CAB39L: variants seen among roughly 807,000 people sequenced by gnomAD.
CAB39L encodes calcium-binding protein 39-like.
In CAB39L, 23 loss-of-function variants were observed where a neutral mutation model predicts 39.1. The observed-to-expected ratio is 0.59, with a 90% CI of 0.42 to 0.83. The LOEUF (loss-of-function observed/expected upper bound fraction) is 0.83, where lower values mean the gene tolerates loss of function less well. Among genes scored for constraint, CAB39L ranks in the 40% least tolerant of loss-of-function variants. The probability of loss-of-function intolerance (pLI) is 0.00; values close to 1 mark genes in which losing one functional copy is unlikely to be tolerated. For synonymous variants in CAB39L, 126 were observed against 137.2 expected, an observed-to-expected ratio of 0.92 and a Z score of 0.57; for missense variants, 366 against 391.9, an observed-to-expected ratio of 0.93 and a Z score of 0.56.
intron 3 of CAB39L, among the ~76,000 whole-genome samples, chr13:49,430,896 T>C (rs1957311895): frequency 6.6e-6 from 1 of 152,260 alleles, no homozygotes; most frequent in South Asian, 2.1e-4. Flanking sequence ...AAAGGCTTAA[T>C]AGTCATATAA....
intron 10 of CAB39L, among the ~76,000 whole-genome samples, chr13:49,327,971 C>A (rs1954551166): frequency 6.6e-6 from 1 of 152,156 alleles, no homozygotes; most frequent in Non-Finnish European, 1.5e-5. Context: ...ATTTTTCCAT[C>A]AAATTTACAA....
chr13:49,346,613 A>G (rs944683800), intron 7 of CAB39L, among the ~76,000 whole-genome samples: 13 of 152,156 alleles, frequency 8.5e-5, no homozygotes, highest in Non-Finnish European at 1.8e-4. Flanking sequence ...ACTTAATTGC[A>G]GGGACATAAA....
intron 8 of CAB39L, among the ~76,000 whole-genome samples, chr13:49,340,641 AAGG>A (rs1177782684): frequency 1.1e-4 from 17 of 152,216 alleles, no homozygotes; most frequent in African/African-American, 4.1e-4. Flanking sequence ...CCTGAAACAC[AAGG>A]AGAATTTTGT....
intron 3 of CAB39L, among the ~76,000 whole-genome samples, chr13:49,384,719 G>A (rs7332728): frequency 0.55 from 82,926 of 152,004 alleles, 24,029 homozygotes; most frequent in African/African-American, 0.72. Flanking sequence ...TAACAGGCAT[G>A]AAAACAACAT....
chr13:49,332,121 T>C, intron 9 of CAB39L, 31 bp from the exon 10 acceptor site: 1 of 1,604,294 alleles, frequency 6.2e-7, no homozygotes, highest in Non-Finnish European at 8.5e-7. Flanking sequence ...AAAGCTGTAA[T>C]CTCAGAGCCA....
chr13:49,419,866 G>A (rs1566131803), intron 3 of CAB39L, among the ~76,000 whole-genome samples: 1 of 151,958 alleles, frequency 6.6e-6, no homozygotes, highest in African/African-American at 2.4e-5. Context: ...ATAGAAGAAT[G>A]CCACAGTTGC....
chr13:49,405,348 T>C (rs1956849395), intron 3 of CAB39L, among the ~76,000 whole-genome samples: 2 of 151,998 alleles, frequency 1.3e-5, no homozygotes, highest in African/African-American at 4.8e-5. Flanking sequence ...CCTTCAAACA[T>C]GAAGGAGAAA....
chr13:49,315,244 G>A (rs1418795037), intron 10 of CAB39L, among the ~76,000 whole-genome samples: 15 of 152,166 alleles, frequency 9.9e-5, no homozygotes, highest in East Asian at 3.8e-4. Flanking sequence ...CTGTGGTCAC[G>A]AGTGGCTCAT....
chr13:49,425,958 G>A (rs1257519897), intron 3 of CAB39L, among the ~76,000 whole-genome samples: 1 of 152,036 alleles, frequency 6.6e-6, no homozygotes, highest in South Asian at 2.1e-4. Flanking sequence ...GAAGTTTGGG[G>A]GTCCAAAGGC....
At chr13:49,406,089 G>C (rs544088324) in intron 3 of CAB39L, among the ~76,000 whole-genome samples, 1 of 151,634 alleles carries the variant, frequency 6.6e-6, no homozygotes, top group Non-Finnish European at 1.5e-5. Context: ...TCTAGTATTT[G>C]ATAGCACAAC....
At chr13:49,442,521 G>A (rs960391801) in intron 1 of CAB39L, among the ~76,000 whole-genome samples, 8 of 152,094 alleles carry the variant, frequency 5.3e-5, no homozygotes, top group African/African-American at 1.9e-4. Flanking sequence ...GCCAGGTGCC[G>A]TGGCTCACAC....
intron 1 of CAB39L, among the ~76,000 whole-genome samples, chr13:49,442,368 T>C (rs1957538515): frequency 6.6e-6 from 1 of 152,236 alleles, no homozygotes; most frequent in Admixed American, 6.5e-5. Flanking sequence ...ATTCTATCTC[T>C]ATTTCCTTAC....
intron 3 of CAB39L, among the ~76,000 whole-genome samples, chr13:49,401,968 CTG>C (rs1302543333): frequency 2.0e-5 from 3 of 152,054 alleles, no homozygotes; most frequent in Non-Finnish European, 4.4e-5. Flanking sequence ...ATAATTTAAA[CTG>C]TGCAATTTTA....
At chr13:49,344,357 A>C (rs1955086110) in intron 7 of CAB39L, 119 bp from the exon 8 acceptor site, 5 of 619,738 alleles carry the variant, frequency 8.1e-6, no homozygotes, top group Middle Eastern at 4.4e-4. Context: ...TTTGCGCCAC[A>C]AAATTATTTC....
At chr13:49,330,056 G>C (rs1022772132) in intron 10 of CAB39L, among the ~76,000 whole-genome samples, 1 of 152,140 alleles carries the variant, frequency 6.6e-6, no homozygotes, top group Non-Finnish European at 1.5e-5. Flanking sequence ...ATAACCTCAA[G>C]GTGGCTAGTC....
At chr13:49,422,497 T>G (rs1594088673) in intron 3 of CAB39L, among the ~76,000 whole-genome samples, 1 of 152,290 alleles carries the variant, frequency 6.6e-6, no homozygotes, top group East Asian at 1.9e-4. Flanking sequence ...TGGCTTGAAC[T>G]GGGAGGTGGA....
chr13:49,437,267 T>C, intron 1 of CAB39L, among the ~76,000 whole-genome samples: 1 of 152,188 alleles, frequency 6.6e-6, no homozygotes, highest in East Asian at 1.9e-4. Context: ...GTTTTTTTGT[T>C]TGTTTGTTTT....
chr13:49,378,317 G>GT (rs1178389648), intron 4 of CAB39L, among the ~76,000 whole-genome samples: 1 of 78,458 alleles, frequency 1.3e-5, no homozygotes, highest in East Asian at 2.4e-4. Flanking sequence ...GGAGGTGGGG[G>GT]GTCAGCCCCC....
intron 3 of CAB39L, among the ~76,000 whole-genome samples, chr13:49,424,888 G>A (rs1016188803): frequency 9.2e-5 from 14 of 152,222 alleles, no homozygotes; most frequent in African/African-American, 3.1e-4. Flanking sequence ...TATAATGAGA[G>A]GATGGGAATA....
Sources: allele counts gnomAD v4.1 joint callset (sites outside exome capture counted in the v4.1 genomes callset), GRCh38; gene constraint gnomAD v4.1.1; transcripts MANE v1.5; gene names NCBI Gene and HGNC (gene_info 2026-07-23, HGNC 2026-07-21).